The following EHD2 variants were observed in gnomAD, a reference collection of about 807,000 sequenced individuals.
EHD2 encodes the protein EH domain-containing protein 2.
EHD2 carries 27 observed loss-of-function variants against 41.0 expected under a neutral mutation model. The ratio of observed to expected loss-of-function variants is 0.66; its 90% CI spans 0.49 to 0.91. The LOEUF is 0.91. Ranked by LOEUF, EHD2 falls within the 40% of genes least tolerant of loss-of-function variation. EHD2 has a pLI of 0.00. For synonymous variants in EHD2, 342 were observed against 341.0 expected, an observed-to-expected ratio of 1.00 and a Z score of -0.03; for missense variants, 673 against 773.9, an observed-to-expected ratio of 0.87 and a Z score of 1.55.
intron 3 of EHD2, among the ~76,000 whole-genome samples, chr19:47,725,570 G>A (rs1298048705): frequency 6.6e-6 from 1 of 152,148 alleles, no homozygotes; most frequent in Non-Finnish European, 1.5e-5. Context: ...ATTGCCCCCT[G>A]TAGCCAGATG....
chr19:47,735,746 T>C lies in EHD2; in HGVS notation c.916-623T>C, dbSNP rs368671141. Among the ~76,000 whole-genome samples, 21 of 150,062 alleles carry C rather than the reference T, an allele frequency of 1.4e-4. 1 individual carries two copies. In the South Asian group the frequency reaches 4.4e-3, roughly 32 times the overall value. On this transcript the variant is annotated intron_variant, in intron 4 of 5. Transcript: ENST00000263277. The stretch of plus-strand genomic sequence containing the variant: ...GGAGAAACCCCGTTTCTATTAAAAA[T>C]ACAAAAAAATTAGCCGGGTGTGGTG...
chr19:47,737,217 G>T (rs1201113099), intron 5 of EHD2, among the ~76,000 whole-genome samples: 1 of 142,086 alleles, frequency 7.0e-6, no homozygotes, highest in Non-Finnish European at 1.5e-5. Context: ...GGCAAAAAGA[G>T]CGAGACTCCG....
chr19:47,737,877 T>C (rs1295683463), intron 5 of EHD2, among the ~76,000 whole-genome samples: 1 of 84,304 alleles, frequency 1.2e-5, no homozygotes, highest in Non-Finnish European at 2.6e-5. Flanking sequence ...CCTGGCTAGC[T>C]TTTTTTTTTT....
chr19:47,728,204 C>T (rs1973772225), intron 4 of EHD2, among the ~76,000 whole-genome samples: 1 of 152,048 alleles, frequency 6.6e-6, no homozygotes, highest in African/African-American at 2.4e-5. Flanking sequence ...CCTTCTCTCA[C>T]TCCTTTCCTC....
At position 47,741,146 on chromosome 19, in the gene EHD2, A is replaced by G. The variant is rs764781083; in HGVS notation, c.1346A>G (p.Asp449Gly). The change falls in exon 6 of 6, where the codon GAC becomes GGC. Residue 449 changes from aspartate (D) to glycine (G), a missense_variant. By Grantham distance (94) the Asp-to-Gly change is moderately conservative (BLOSUM62 -1). Transcript: ENST00000263277. The surrounding 1 kb of genome is among the most constrained non-coding windows in gnomAD (Gnocchi z 4.5). ...GAGGCCGAGTGGGTGGTGACCAAGG[A>G]CAAGTCCAAATACGACGAGATCTTC... ...DDEAEWVVTK[D>G]KSKYDEIFYN... 13 of 1,612,490 alleles carry G rather than the reference A, an allele frequency of 8.1e-6. No homozygotes were observed. Among genetic ancestry groups the G allele is most frequent in the African/African-American group, 5.3e-5 (4 of 74,920 alleles).
At chr19:47,740,786 C>CG in intron 5 of EHD2, 95 bp from the exon 6 acceptor site, 3 of 1,310,798 alleles carry the variant, frequency 2.3e-6, no homozygotes, top group South Asian at 2.8e-5. Context: ...AACAGCTACC[C>CG]CCGAGCTTCT....
intron 4 of EHD2, 28 bp downstream of exon 4, chr19:47,726,252 A>G (rs549243408): frequency 1.4e-6 from 2 of 1,459,350 alleles, no homozygotes; most frequent in East Asian, 2.4e-5. Flanking sequence ...CTGGGCGCGC[A>G]TTCTTGGAGG....
chr19:47,716,637 G>T lies in EHD2; in HGVS notation c.25G>T (p.Gly9Trp). Residue 9 changes from glycine to tryptophan, a missense_variant, in exon 2 of 6, where the codon GGG becomes TGG. By Grantham distance (184) the Gly-to-Trp change is radical. Coordinates refer to ENST00000263277, the MANE Select transcript of EHD2 (RefSeq NM_014601.4). MFSWLKRG[G>W]ARGQQPEAIR... The stretch of plus-strand genomic sequence containing the variant: ...CATGTTCAGCTGGCTGAAGCGGGGC[G>T]GGGCACGGGGCCAGCAGCCCGAGGC... 1 of 1,555,114 alleles carries T rather than the reference G, an allele frequency of 6.4e-7. No homozygotes were observed. Among genetic ancestry groups the T allele is most frequent in the Non-Finnish European group, 8.7e-7 (1 of 1,150,884 alleles).
intron 4 of EHD2, chr19:47,731,314 A>ATACACATATATATATATATGTGT (rs1160770476): frequency 8.8e-6 from 1 of 113,996 alleles, no homozygotes; most frequent in Non-Finnish European, 1.9e-5. Context: ...ATATATATAT[A>ATACACATATATATATATATGTGT]ATTTTTTTTT....
At chr19:47,737,702 TTATA>T (rs1966939886) in intron 5 of EHD2, among the ~76,000 whole-genome samples, 1 of 151,660 alleles carries the variant, frequency 6.6e-6, no homozygotes, top group African/African-American at 2.4e-5. Flanking sequence ...AAAAATTTAT[TTATA>T]TATTTTTTAG....
At chr19:47,739,098 C>G (rs978659697) in intron 5 of EHD2, among the ~76,000 whole-genome samples, 20 of 151,746 alleles carry the variant, frequency 1.3e-4, no homozygotes, top group East Asian at 3.9e-4. Context: ...TCTCTCCCCC[C>G]CTGCACACTT....
In EHD2 at chr19:47,725,836, G is replaced by T. The variant is rs1342684768; in HGVS notation, c.527G>T (p.Arg176Leu). The change falls in exon 4 of 6, where the codon CGC becomes CTC. Residue 176 changes from arginine (R) to leucine (L), a missense_variant. Physicochemically the swap from Arg to Leu is moderately radical, Grantham distance 102 (BLOSUM62 -2). Transcript: ENST00000263277. ...SRGYDFPAVL[R>L]WFAERVDLII... is the part of the protein sequence containing the mutation. The stretch of plus-strand genomic sequence containing the variant: ...GGCTACGACTTCCCGGCCGTGCTGC[G>T]CTGGTTCGCGGAGCGCGTGGACCTC... 6.3e-7 allele frequency: 1 copy of T among 1,595,600 alleles called. No homozygotes were observed. The highest frequency in any genetic ancestry group is 8.6e-7 in the Non-Finnish European group (1 of 1,166,112).
chr19:47,728,792 A>T (rs1423463995), intron 4 of EHD2, among the ~76,000 whole-genome samples: 1 of 151,110 alleles, frequency 6.6e-6, no homozygotes, highest in East Asian at 1.9e-4. Context: ...CTGGTCTCGA[A>T]CTCCCGACCT....
At chr19:47,734,330 G>C (rs1433016696) in intron 4 of EHD2, among the ~76,000 whole-genome samples, 1 of 151,480 alleles carries the variant, frequency 6.6e-6, no homozygotes, top group Non-Finnish European at 1.5e-5. Context: ...GCCAGACCCT[G>C]TCTAAAAAAA....
At position 47,717,004 on chromosome 19, in the gene EHD2, C is replaced by G; in HGVS notation, c.392C>G (p.Thr131Ser). Residue 131 changes from threonine to serine, a missense_variant, in exon 2 of 6, where the codon ACC (threonine) becomes AGC (serine). Thr to Ser is a moderately conservative substitution (Grantham distance 58). Coordinates refer to ENST00000263277, the MANE Select transcript of EHD2 (RefSeq NM_014601.4). ...PFRKLNPFGNTFLNRFMCAQL... is the reference protein window; with the variant it reads ...PFRKLNPFGNSFLNRFMCAQL... ...CGCAAACTCAACCCTTTCGGAAACACCTTCCTCAACAGGTGTGCCAGCCGC... is the reference window on the plus strand; with the variant it reads ...CGCAAACTCAACCCTTTCGGAAACAGCTTCCTCAACAGGTGTGCCAGCCGC... 6.2e-7 allele frequency: 1 copy of G among 1,600,268 alleles called. No individual in the cohort carries two copies. Among genetic ancestry groups the G allele is most frequent in the Non-Finnish European group, 8.5e-7 (1 of 1,179,922 alleles).
rs202143335 is a variant in EHD2 at position 47,725,921 on chromosome 19, C to A, written c.612C>A (p.Ile204=). ...TCTCGGACGAGTTCTCAGAGGCCAT[C>A]GGCGCGTTGCGGGGCCATGAGGACA... ...LEISDEFSEA[I]GALRGHEDKI... is the part of the protein sequence containing the mutation. The change falls in exon 4 of 6, where the codon ATC becomes ATA. Residue 204 remains isoleucine (I), a synonymous_variant. Transcript: ENST00000263277. 1.2e-6 allele frequency: 2 copies of A among 1,613,916 alleles called. No homozygotes were observed. The highest frequency in any genetic ancestry group is 2.2e-5 in the South Asian group (2 of 91,056).
chr19:47,733,399 C>T (rs1217235120), intron 4 of EHD2, among the ~76,000 whole-genome samples: 1 of 151,814 alleles, frequency 6.6e-6, no homozygotes, highest in African/African-American at 2.4e-5. Flanking sequence ...TTAGGCCAGG[C>T]GCGGTGGTTC....
Position 47,741,349 on chromosome 19 carries a change from C to G in EHD2, c.1549C>G (p.Leu517Val). ...GGCCAGCCACCTCATCGAGGCCAAG[C>G]TGGAAGGCCACGGGCTGCCCGCCAA... ...ALASHLIEAK[L>V]EGHGLPANLP... Residue 517 changes from leucine (L) to valine (V), a missense_variant, in exon 6 of 6, where the codon CTG becomes GTG. By Grantham distance (32) the Leu-to-Val change is conservative. Transcript: ENST00000263277. This position sits in a 1 kb window ranked among gnomAD's most constrained non-coding sequence, Gnocchi z 4.5. 1 of 1,611,282 alleles carries G rather than the reference C, an allele frequency of 6.2e-7. No individual in the cohort carries two copies. Among genetic ancestry groups the G allele is most frequent in the Non-Finnish European group, 8.5e-7 (1 of 1,179,782 alleles).
At chr19:47,715,106 G>C (rs936864003) in intron 1 of EHD2, among the ~76,000 whole-genome samples, 2 of 151,746 alleles carry the variant, frequency 1.3e-5, no homozygotes, top group Non-Finnish European at 2.9e-5. Flanking sequence ...AAGCAAAGCA[G>C]GGATGATAAT....
Sources: allele counts gnomAD v4.1 joint callset (sites outside exome capture counted in the v4.1 genomes callset), GRCh38; gene constraint gnomAD v4.1.1; non-coding constraint Gnocchi (gnomAD v3.1); transcripts MANE v1.5; gene names NCBI Gene and HGNC (gene_info 2026-07-23, HGNC 2026-07-21).